Variants in FAAH2 observed in about 807,000 individuals in gnomAD.
FAAH2 encodes fatty-acid amide hydrolase 2.
FAAH2 carries 60 observed loss-of-function variants against 36.9 expected under a neutral mutation model. The observed-to-expected ratio is 1.63, with a 90% CI of 1.32 to 2.02. The LOEUF (loss-of-function observed/expected upper bound fraction) is 2.02, where lower values mean the gene tolerates loss of function less well. Among genes scored for constraint, FAAH2 ranks in the 30% most tolerant of loss-of-function variants. The probability of loss-of-function intolerance (pLI) is 0.00; values close to 1 mark genes in which losing one functional copy is unlikely to be tolerated. For missense variants in FAAH2, 689 were observed against 397.5 expected (o/e 1.73, Z -6.23); for synonymous variants, 214 against 143.8 (o/e 1.49, Z -3.49).
At chrX:57,157,134 C>T in the FAAH2 span, among the ~76,000 whole-genome samples, 1 of 111,583 alleles carries the variant, frequency 9.0e-6, no homozygotes, top group Non-Finnish European at 1.9e-5. Flanking sequence ...GACCAAGTCC[C>T]TTGTACTTTT....
At chrX:57,329,666 A>G (rs1462634184) in intron 3 of FAAH2, among the ~76,000 whole-genome samples, 1 of 109,178 alleles carries the variant, frequency 9.2e-6, no homozygotes, top group East Asian at 2.9e-4. Context: ...CCAATAAAGC[A>G]ATGTTGGAGG....
intron 8 of FAAH2, among the ~76,000 whole-genome samples, chrX:57,442,668 A>G (rs2056587836): frequency 9.0e-6 from 1 of 111,729 alleles, no homozygotes; most frequent in Non-Finnish European, 1.9e-5. Context: ...TTAACTGGTT[A>G]TTTTGCTCAT....
chrX:57,331,893 C>T (rs1352727237), intron 4 of FAAH2, 86 bp downstream of exon 4: 66 of 906,353 alleles, frequency 7.3e-5, no homozygotes, highest in Non-Finnish European at 3.1e-6. Context: ...TACAGTATAG[C>T]ATCTATGACC....
At chrX:57,368,458 T>C (rs1237661295) in intron 5 of FAAH2, among the ~76,000 whole-genome samples, 3 of 110,634 alleles carry the variant, frequency 2.7e-5, no homozygotes, top group African/African-American at 9.9e-5. Flanking sequence ...AGCTGTATGC[T>C]CTCTTGGCAC....
chrX:57,287,683 A>C (rs1205498807), intron 1 of FAAH2, among the ~76,000 whole-genome samples: 1 of 111,836 alleles, frequency 8.9e-6, no homozygotes, highest in Non-Finnish European at 1.9e-5. Context: ...TCTCTATAGA[A>C]TTGTGCAGGC....
chrX:57,383,649 A>T (rs1420276632), intron 7 of FAAH2, among the ~76,000 whole-genome samples: 1 of 111,665 alleles, frequency 9.0e-6, no homozygotes, highest in Non-Finnish European at 1.9e-5. Flanking sequence ...GAGAACTACA[A>T]ATTACTGCTC....
At chrX:57,399,979 A>G (rs1036581353) in intron 7 of FAAH2, among the ~76,000 whole-genome samples, 3 of 111,873 alleles carry the variant, frequency 2.7e-5, no homozygotes, top group Admixed American at 9.5e-5. Context: ...TTCCATCAGT[A>G]TACAATTTGA....
intron 5 of FAAH2, among the ~76,000 whole-genome samples, chrX:57,363,054 T>C (rs1468293161): frequency 8.9e-6 from 1 of 111,988 alleles, no homozygotes; most frequent in Non-Finnish European, 1.9e-5. Context: ...CTTTGGCTAT[T>C]CGGGCTTTTC....
chrX:57,200,128 G>T, the FAAH2 span, among the ~76,000 whole-genome samples: 1 of 108,598 alleles, frequency 9.2e-6, no homozygotes, highest in African/African-American at 3.3e-5. Context: ...CTGCCATTTT[G>T]CTATTTGTTT....
intron 1 of FAAH2, among the ~76,000 whole-genome samples, chrX:57,290,555 A>G (rs2051947088): frequency 9.2e-6 from 1 of 109,037 alleles, no homozygotes; most frequent in African/African-American, 3.3e-5. Context: ...CTTAATACTA[A>G]CCATTTTTCT....
the FAAH2 span, among the ~76,000 whole-genome samples, chrX:57,227,525 A>G: frequency 9.0e-6 from 1 of 111,218 alleles, no homozygotes; most frequent in Non-Finnish European, 1.9e-5. Context: ...TCAGTCATGG[A>G]TACCAGTGCC....
the FAAH2 span, among the ~76,000 whole-genome samples, chrX:57,210,315 T>G: frequency 1.8e-5 from 2 of 111,536 alleles, no homozygotes; most frequent in African/African-American, 3.3e-5. Context: ...ACAAAAACAG[T>G]ATAAGAAAAT....
chrX:57,478,444 G>T (rs982734755), intron 10 of FAAH2, among the ~76,000 whole-genome samples: 3 of 111,472 alleles, frequency 2.7e-5, no homozygotes, highest in South Asian at 3.8e-4. Flanking sequence ...TAGGTTGCCT[G>T]TTCACTCTGA....
At chrX:57,448,315 G>A (rs992003886) in intron 9 of FAAH2, among the ~76,000 whole-genome samples, 4 of 112,490 alleles carry the variant, frequency 3.6e-5, no homozygotes, top group African/African-American at 1.3e-4. Context: ...GATGAACTAT[G>A]CAGTAGCAGA....
chrX:57,380,865 A>G (rs1347165945), intron 6 of FAAH2, 47 bp from the exon 7 acceptor site: 1 of 796,087 alleles, frequency 1.3e-6, no homozygotes, highest in East Asian at 3.3e-5. Flanking sequence ...ACTATTAAGG[A>G]TATCTAAATA....
intron 10 of FAAH2, among the ~76,000 whole-genome samples, chrX:57,449,452 T>C (rs752003283): frequency 1.4e-4 from 16 of 112,326 alleles, no homozygotes; most frequent in African/African-American, 5.2e-4. Flanking sequence ...TCTCAACTTA[T>C]TTCCTATCTA....
chrX:57,127,633 T>C, the FAAH2 span, among the ~76,000 whole-genome samples: 2 of 111,934 alleles, frequency 1.8e-5, no homozygotes, highest in African/African-American at 6.5e-5. Context: ...CTTTCAAAAT[T>C]ACCAAAAATT....
At chrX:57,463,106 G>A (rs769506466) in intron 10 of FAAH2, among the ~76,000 whole-genome samples, 4 of 111,431 alleles carry the variant, frequency 3.6e-5, no homozygotes, top group Non-Finnish European at 7.5e-5. Context: ...TACAAGGGAC[G>A]TGAAGGATCT....
At chrX:57,170,853 C>T in the FAAH2 span, among the ~76,000 whole-genome samples, 18 of 107,450 alleles carry the variant, frequency 1.7e-4, no homozygotes, top group African/African-American at 6.4e-4. Flanking sequence ...TACAGGCGCT[C>T]GCCACCATGA....
Sources: gnomAD v4.1 joint callset for allele counts (sites outside exome capture counted in the v4.1 genomes callset) on GRCh38, gnomAD v4.1.1 for gene constraint, MANE v1.5 for transcripts, NCBI Gene and HGNC (gene_info 2026-07-23, HGNC 2026-07-21) for gene names.